Variants in DIP2C observed in about 807,000 individuals in gnomAD.
DIP2C encodes the protein DIP2 acetate--CoA ligase C (putative).
DIP2C carries 33 observed loss-of-function variants against 192.4 expected under a neutral mutation model. That is an observed-to-expected ratio of 0.17 (90% CI 0.13 to 0.23). The LOEUF is 0.23. Ranked by LOEUF, DIP2C falls within the 10% of genes least tolerant of loss-of-function variation. DIP2C has a pLI of 1.00. For synonymous variants in DIP2C, 979 were observed against 864.1 expected, an observed-to-expected ratio of 1.13 and a Z score of -2.33; for missense variants, 1,537 against 2,110.1, an observed-to-expected ratio of 0.73 and a Z score of 5.32.
chr10:613,700 C>A (rs1853249901), intron 1 of DIP2C, among the ~76,000 whole-genome samples: 1 of 152,176 alleles, frequency 6.6e-6, no homozygotes, highest in Non-Finnish European at 1.5e-5. Flanking sequence ...AGAACTGTTG[C>A]CCAGGAATGG....
In DIP2C at chr10:276,414, T is replaced by G. The variant is rs1427279681; in HGVS notation, c.*911A>C. ...CCATGCAAGTGACAAGTTCTGCATC[T>G]TAAACTTTAAAATCTCCTTTGTTCA... is the stretch of plus-strand genomic sequence containing the variant. On this transcript the variant is annotated 3_prime_UTR_variant, in exon 37 of 37. Coordinates refer to ENST00000280886, the MANE Select transcript of DIP2C (RefSeq NM_014974.3). 1 of 152,662 alleles carries G rather than the reference T, an allele frequency of 6.6e-6. No homozygotes were observed. The highest frequency in any genetic ancestry group is 2.4e-5 in the African/African-American group (1 of 41,462). The allele number at this position is 152,662 out of a possible 1,614,324, so 9.5% of individuals were successfully genotyped here. A position where few individuals can be genotyped will look rare whatever the true frequency, so the allele number is the denominator to read the frequency against.
At chr10:519,624 A>AG (rs1354395311) in intron 1 of DIP2C, among the ~76,000 whole-genome samples, 1 of 152,210 alleles carries the variant, frequency 6.6e-6, no homozygotes, top group Non-Finnish European at 1.5e-5. Flanking sequence ...AGCCTTGCCA[A>AG]GGGGCCCAGC....
chr10:526,421 A>G (rs1386672750), intron 1 of DIP2C, among the ~76,000 whole-genome samples: 1 of 152,102 alleles, frequency 6.6e-6, no homozygotes, highest in East Asian at 1.9e-4. Flanking sequence ...ATACCACTGT[A>G]GAGACTAATT....
chr10:326,952 C>T, intron 31 of DIP2C, 54 bp downstream of exon 31: 6 of 1,571,862 alleles, frequency 3.8e-6, no homozygotes, highest in Non-Finnish European at 5.2e-6. Context: ...CTGTGCTGTA[C>T]CCACCCCGGG....
intron 1 of DIP2C, chr10:662,946 C>T: frequency 1.4e-6 from 1 of 717,248 alleles, no homozygotes; most frequent in Non-Finnish European, 2.6e-6. Flanking sequence ...GTTCTCAGCT[C>T]CGACCTCTGT....
At chr10:324,853 C>G (rs540854589) in intron 31 of DIP2C, 196 of 493,494 alleles carry the variant, frequency 4.0e-4, no homozygotes, top group African/African-American at 3.3e-3. Flanking sequence ...AGCACGCCAA[C>G]TCTGTTCTTC....
chr10:493,388 G>T (rs949407767), intron 1 of DIP2C, among the ~76,000 whole-genome samples: 1 of 152,202 alleles, frequency 6.6e-6, no homozygotes, highest in Non-Finnish European at 1.5e-5. Flanking sequence ...CAATTTTGCA[G>T]ATCTCAGGCC....
chr10:363,106 A>G lies in DIP2C; in HGVS notation c.2592+91T>C. On this transcript the variant is annotated intron_variant, in intron 21 of 36. Coordinates refer to ENST00000280886, the MANE Select transcript of DIP2C (RefSeq NM_014974.3). This position sits in a 1 kb window ranked among gnomAD's most constrained non-coding sequence, Gnocchi z 5.4. ...GGGAAAAAGGGCCACCCCATGGGCA[A>G]AGCAACAGCTGGTCACACCATGATC... The G allele has an allele frequency of 1.7e-6, 2 of 1,198,130 alleles. No homozygotes were observed. Among genetic ancestry groups the G allele is most frequent in the South Asian group, 1.4e-5 (1 of 71,692 alleles). 74.2% of individuals were successfully genotyped at this position (1,198,130 alleles called of 1,614,324 possible). A position where few individuals can be genotyped will look rare whatever the true frequency, so the allele number is the denominator to read the frequency against.
chr10:627,779 C>A (rs567675246), intron 1 of DIP2C, among the ~76,000 whole-genome samples: 1 of 152,260 alleles, frequency 6.6e-6, no homozygotes, highest in Non-Finnish European at 1.5e-5. Context: ...ACAGACCGCA[C>A]GGCTCAGCCA....
intron 1 of DIP2C, among the ~76,000 whole-genome samples, chr10:660,313 C>T (rs1362122533): frequency 6.6e-6 from 1 of 151,122 alleles, no homozygotes; most frequent in South Asian, 2.1e-4. Flanking sequence ...AGCCCTTGTC[C>T]CTGTTTCAAG....
At chr10:675,580 A>G (rs1487844886) in intron 1 of DIP2C, among the ~76,000 whole-genome samples, 3 of 152,172 alleles carry the variant, frequency 2.0e-5, no homozygotes, top group African/African-American at 7.2e-5. Context: ...TTAGAAACAG[A>G]AAAAGAGAAT....
At chr10:578,793 G>T (rs543121446) in intron 1 of DIP2C, among the ~76,000 whole-genome samples, 1 of 143,070 alleles carries the variant, frequency 7.0e-6, no homozygotes, top group Non-Finnish European at 1.5e-5. Flanking sequence ...AAGCATAAGT[G>T]CACTATAACA....
intron 34 of DIP2C, among the ~76,000 whole-genome samples, chr10:285,778 G>A (rs1564506168): frequency 6.6e-6 from 1 of 152,240 alleles, no homozygotes; most frequent in Non-Finnish European, 1.5e-5. Flanking sequence ...AGCCAGCCAG[G>A]GCGGGCTCAT....
At chr10:297,837 C>T (rs1955833058) in intron 32 of DIP2C, among the ~76,000 whole-genome samples, 1 of 152,184 alleles carries the variant, frequency 6.6e-6, no homozygotes, top group Non-Finnish European at 1.5e-5. Flanking sequence ...ATGATGCACG[C>T]TCCCGATCTA....
At chr10:577,035 A>C (rs760193892) in intron 1 of DIP2C, among the ~76,000 whole-genome samples, 2 of 152,216 alleles carry the variant, frequency 1.3e-5, no homozygotes, top group Non-Finnish European at 2.9e-5. Context: ...ACTTCGTTAC[A>C]ATCTTGTATA....
At chr10:568,171 C>A (rs11253231) in intron 1 of DIP2C, among the ~76,000 whole-genome samples, 50 of 152,286 alleles carry the variant, frequency 3.3e-4, no homozygotes, top group African/African-American at 1.2e-3. Flanking sequence ...GGGAGGAGTG[C>A]GGCCCAGGGA....
chr10:527,830 A>G (rs1366325146), intron 1 of DIP2C, among the ~76,000 whole-genome samples: 1 of 152,214 alleles, frequency 6.6e-6, no homozygotes, highest in Non-Finnish European at 1.5e-5. Flanking sequence ...TGAATGGCAT[A>G]ATCAGCCATC....
Position 288,435 on chromosome 10 carries a change from G to C in DIP2C, c.3987-14C>G. 1 of 1,613,676 alleles carries C rather than the reference G, an allele frequency of 6.2e-7. No individual in the cohort carries two copies. ...ACTAAGCGGACTCTGCAAACAGAAA[G>C]AGAAAATATTCCTAGATGTGTTTGC... On this transcript the variant is annotated splice_polypyrimidine_tract_variant and intron_variant, in intron 32 of 36. Coordinates refer to ENST00000280886, the MANE Select transcript of DIP2C (RefSeq NM_014974.3).
At chr10:668,966 G>A (rs1288055103) in intron 1 of DIP2C, 2 of 152,240 alleles carry the variant, frequency 1.3e-5, no homozygotes, top group African/African-American at 2.4e-5. Flanking sequence ...CAGAGGCCAG[G>A]AAGGGAACTC....
Sources: gnomAD v4.1 joint callset for allele counts (sites outside exome capture counted in the v4.1 genomes callset) on GRCh38, gnomAD v4.1.1 for gene constraint, Gnocchi (gnomAD v3.1) non-coding constraint, MANE v1.5 for transcripts, NCBI Gene and HGNC (gene_info 2026-07-23, HGNC 2026-07-21) for gene names.